Variants in MBOAT1 observed in about 807,000 individuals in gnomAD.
MBOAT1 encodes the protein membrane-bound glycerophospholipid O-acyltransferase 1.
In MBOAT1, 67 loss-of-function variants were observed where a neutral mutation model predicts 64.4. The observed-to-expected ratio is 1.04, with a 90% confidence interval of 0.85 to 1.27. MBOAT1 has a LOEUF of 1.27. Among genes scored for constraint, MBOAT1 ranks in the 50% most tolerant of loss-of-function variants. MBOAT1 has a pLI of 0.00. For missense variants in MBOAT1, 563 were observed against 604.6 expected, an observed-to-expected ratio of 0.93 and a Z score of 0.72; for synonymous variants, 229 against 218.9, an observed-to-expected ratio of 1.05 and a Z score of -0.41.
intron 11 of MBOAT1, 133 bp from the exon 12 acceptor site, chr6:20,109,882 G>A (rs1005234442): frequency 1.4e-4 from 76 of 551,244 alleles, no homozygotes; most frequent in Non-Finnish European, 5.8e-5. Context: ...TTGTATTTTC[G>A]ACTACAAATA....
At chr6:20,200,558 T>C (rs963594746) in intron 1 of MBOAT1, among the ~76,000 whole-genome samples, 3 of 152,156 alleles carry the variant, frequency 2.0e-5, no homozygotes, top group Non-Finnish European at 2.9e-5. Flanking sequence ...GAATAGTTAA[T>C]GTCCCTTACG....
chr6:20,204,826 G>T (rs1763217121), intron 1 of MBOAT1, among the ~76,000 whole-genome samples: 1 of 152,218 alleles, frequency 6.6e-6, no homozygotes, highest in Non-Finnish European at 1.5e-5. Context: ...TGACAGACCT[G>T]AGTTCGAGTC....
At chr6:20,123,783 G>A (rs555738716) in intron 8 of MBOAT1, among the ~76,000 whole-genome samples, 3 of 152,274 alleles carry the variant, frequency 2.0e-5, no homozygotes, top group African/African-American at 7.2e-5. Context: ...AAGGCTGGGC[G>A]TGGTGGCTCA....
intron 1 of MBOAT1, 95 bp downstream of exon 1, chr6:20,212,041 C>A: frequency 9.4e-7 from 1 of 1,060,726 alleles, no homozygotes; most frequent in Non-Finnish European, 1.4e-6. Context: ...TAAAATACGC[C>A]ATGGAGGCGG....
intron 1 of MBOAT1, among the ~76,000 whole-genome samples, chr6:20,172,482 G>A (rs1036397228): frequency 1.3e-5 from 2 of 152,118 alleles, no homozygotes; most frequent in Admixed American, 1.3e-4. Context: ...GATGGCTATA[G>A]TTGCTCATAC....
Position 20,099,890 on chromosome 6 carries a change from A to T in MBOAT1, c.*2396T>A, listed in dbSNP as rs1759744093. On this transcript the variant is annotated 3_prime_UTR_variant, in exon 13 of 13. Coordinates refer to ENST00000324607, the MANE Select transcript of MBOAT1 (RefSeq NM_001080480.3). ...ATGGGTAAGTGGTTTTCAGAAGAAAAAGGATGCTAATCAGTCTCCTATGTG... is the reference window on the plus strand; with the variant it reads ...ATGGGTAAGTGGTTTTCAGAAGAAATAGGATGCTAATCAGTCTCCTATGTG... 6.6e-6 allele frequency among the ~76,000 whole-genome samples: 1 copy of T among 152,210 alleles called. No homozygotes were observed. The highest frequency in any genetic ancestry group is 2.1e-4 in the South Asian group (1 of 4,832).
chr6:20,171,000 T>C (rs1561774502), intron 1 of MBOAT1, among the ~76,000 whole-genome samples: 2 of 152,116 alleles, frequency 1.3e-5, no homozygotes, highest in Non-Finnish European at 2.9e-5. Context: ...AAGGGAAAGA[T>C]AGAGCAGAGA....
At chr6:20,203,942 C>T (rs1032434026) in intron 1 of MBOAT1, among the ~76,000 whole-genome samples, 1 of 152,218 alleles carries the variant, frequency 6.6e-6, no homozygotes, top group African/African-American at 2.4e-5. Context: ...CTGCTTTCTT[C>T]AGCCTTTTCT....
chr6:20,155,111 C>T (rs762675973), intron 1 of MBOAT1, among the ~76,000 whole-genome samples: 8 of 152,182 alleles, frequency 5.3e-5, no homozygotes, highest in Non-Finnish European at 7.3e-5. Context: ...TGAGCATGTG[C>T]ACATGAGGAA....
chr6:20,142,332 A>C (rs1268934630), intron 4 of MBOAT1, among the ~76,000 whole-genome samples: 2 of 152,198 alleles, frequency 1.3e-5, no homozygotes, highest in Non-Finnish European at 2.9e-5. Flanking sequence ...TGTTGATTGA[A>C]TGCTATGGGG....
chr6:20,131,005 G>A (rs16883400), intron 5 of MBOAT1, 139 bp downstream of exon 5: 25,505 of 684,420 alleles, frequency 0.037, 2,499 homozygotes, highest in African/African-American at 0.28. Flanking sequence ...TATGATTGCC[G>A]AGGCCTGGAA....
At chr6:20,105,466 G>T (rs964944761) in intron 12 of MBOAT1, among the ~76,000 whole-genome samples, 1 of 152,130 alleles carries the variant, frequency 6.6e-6, no homozygotes, top group Non-Finnish European at 1.5e-5. Flanking sequence ...AAGTTTCTAC[G>T]CAAATTCTAA....
chr6:20,116,490 G>A (rs2113638734), intron 9 of MBOAT1, among the ~76,000 whole-genome samples: 1 of 152,286 alleles, frequency 6.6e-6, no homozygotes, highest in South Asian at 2.1e-4. Context: ...AATGTAATAT[G>A]TTTGTAAGGG....
rs1365177412 is a variant in MBOAT1 at position 20,124,434 on chromosome 6, G to A, written c.881C>T (p.Pro294Leu). ...YLYVVMQASK[P>L]KYYFAWTLAD... is the part of the protein sequence containing the mutation. ...TAATGTCCATGCAAAGTAATACTTGGGCTTTGAGGCTTGCATGACAACATA... is the reference window on the plus strand; with the variant it reads ...TAATGTCCATGCAAAGTAATACTTGAGCTTTGAGGCTTGCATGACAACATA... Residue 294 changes from proline to leucine, a missense_variant, in exon 8 of 13, where the codon CCC becomes CTC. Coordinates refer to ENST00000324607, the MANE Select transcript of MBOAT1 (RefSeq NM_001080480.3). 1 of 1,613,948 alleles carries A rather than the reference G, an allele frequency of 6.2e-7. No individual in the cohort carries two copies. Among genetic ancestry groups the A allele is most frequent in the Non-Finnish European group, 8.5e-7 (1 of 1,179,990 alleles).
intron 4 of MBOAT1, 48 bp from the exon 5 acceptor site, chr6:20,131,247 T>C (rs1256130603): frequency 1.3e-6 from 2 of 1,549,360 alleles, no homozygotes; most frequent in Non-Finnish European, 1.8e-6. Flanking sequence ...AGGCCATTGA[T>C]GTGGTCTGGC....
chr6:20,111,889 T>TAC (rs1760181761), intron 11 of MBOAT1, among the ~76,000 whole-genome samples: 14 of 107,920 alleles, frequency 1.3e-4, no homozygotes, highest in South Asian at 3.2e-4. Context: ...TGTATATATA[T>TAC]ATATTCCAGC....
chr6:20,152,709 A>G lies in MBOAT1; in HGVS notation c.160T>C (p.Leu54=). Residue 54 remains leucine, a synonymous_variant, in exon 2 of 13, where the codon TTA becomes CTA. Coordinates refer to ENST00000324607, the MANE Select transcript of MBOAT1 (RefSeq NM_001080480.3). ...TCAGAGCTGGTTGTACCAGGACGTA[A>G]GTAGATGCGAAACCAGAAAGCAGCA... The part of the protein sequence containing the change: ...LFAAFWFRIY[L]RPGTTSSDVR... The G allele has an allele frequency of 6.2e-7, 1 of 1,612,442 alleles. No individual in the cohort carries two copies. The highest frequency in any genetic ancestry group is 1.1e-5 in the South Asian group (1 of 90,930).
chr6:20,115,028 T>C (rs900382908), intron 10 of MBOAT1, among the ~76,000 whole-genome samples: 4 of 152,168 alleles, frequency 2.6e-5, no homozygotes, highest in African/African-American at 9.7e-5. Context: ...ACCCCCAACA[T>C]ATCATGAGAT....
chr6:20,151,823 T>G (rs1761500998), intron 2 of MBOAT1, among the ~76,000 whole-genome samples: 1 of 152,224 alleles, frequency 6.6e-6, no homozygotes. Flanking sequence ...CTTTCTCTGT[T>G]AAAGAATGAT....
Sources: gnomAD v4.1 joint callset for allele counts (sites outside exome capture counted in the v4.1 genomes callset) on GRCh38, gnomAD v4.1.1 for gene constraint, MANE v1.5 for transcripts, NCBI Gene and HGNC (gene_info 2026-07-23, HGNC 2026-07-21) for gene names.